OSTN: variants seen among roughly 807,000 people sequenced by gnomAD.
OSTN encodes osteocrin.
A neutral mutation model predicts 12.0 loss-of-function variants in OSTN; 9 were observed. That is an observed-to-expected ratio of 0.75 (90% CI 0.45 to 1.30). The LOEUF is 1.30. OSTN is among the 50% of genes most tolerant of loss of function. The probability of loss-of-function intolerance (pLI) is 0.00; values close to 1 mark genes in which losing one functional copy is unlikely to be tolerated. For synonymous variants in OSTN, 59 were observed against 56.9 expected (o/e 1.04, Z -0.16); for missense variants, 148 against 152.3 (o/e 0.97, Z 0.15).
At chr3:191,212,058 G>T (rs1714472346) in intron 1 of OSTN, among the ~76,000 whole-genome samples, 1 of 152,004 alleles carries the variant, frequency 6.6e-6, no homozygotes, top group African/African-American at 2.4e-5. Context: ...AGGACATAAA[G>T]AAATTCTCCT....
chr3:191,225,285 G>A (rs528615447), intron 3 of OSTN, among the ~76,000 whole-genome samples: 12 of 152,026 alleles, frequency 7.9e-5, no homozygotes, highest in Middle Eastern at 3.4e-3. Context: ...TCCAATTACC[G>A]TTTCTTTAAA....
intron 3 of OSTN, among the ~76,000 whole-genome samples, chr3:191,241,154 C>G (rs1268087410): frequency 7.4e-6 from 1 of 134,326 alleles, no homozygotes; most frequent in Admixed American, 8.2e-5. Context: ...GTTGGTGGAG[C>G]TCTGTGCCTT....
intron 1 of OSTN, among the ~76,000 whole-genome samples, chr3:191,210,717 C>CT (rs527442069): frequency 2.3e-3 from 349 of 152,106 alleles, no homozygotes; most frequent in Non-Finnish European, 6.2e-4. Context: ...TTCCAAATGA[C>CT]TTTTTTTTAA....
At chr3:191,230,194 T>C (rs1267111081) in intron 3 of OSTN, among the ~76,000 whole-genome samples, 3 of 152,132 alleles carry the variant, frequency 2.0e-5, no homozygotes, top group Non-Finnish European at 2.9e-5. Flanking sequence ...AAAATTAGTG[T>C]CCTTTCTGAC....
At position 191,222,946 on chromosome 3, in the gene OSTN, T is replaced by C. The variant is rs188776078; in HGVS notation, c.317+3985T>C. Among the ~76,000 whole-genome samples the C allele has an allele frequency of 6.0e-4, 91 of 152,252 alleles. No individual in the cohort carries two copies. The East Asian group carries it at 0.012, about 21-fold the overall frequency. ...ACGTGAAGAAGGATGTGTTTGCTTC[T>C]CCTTCTACCATGATTGTAAGTTTCC... On this transcript the variant is annotated intron_variant, in intron 3 of 4. Coordinates refer to ENST00000682035, the MANE Select transcript of OSTN (RefSeq NM_198184.2).
intron 1 of OSTN, 40 bp from the exon 2 acceptor site, chr3:191,212,493 C>T (rs1576923529): frequency 7.3e-7 from 1 of 1,378,336 alleles, no homozygotes; most frequent in Non-Finnish European, 1.0e-6. Flanking sequence ...CTTTACATTC[C>T]AAACGAATCA....
intron 1 of OSTN, 150 bp from the exon 2 acceptor site, chr3:191,212,383 T>A (rs763668432): frequency 1.3e-4 from 45 of 343,662 alleles, no homozygotes; most frequent in Non-Finnish European, 2.2e-4. Context: ...CTATTAAGTA[T>A]TATTTACGTT....
At chr3:191,253,941 A>G (rs191798581) in intron 4 of OSTN, among the ~76,000 whole-genome samples, 160 of 152,368 alleles carry the variant, frequency 1.1e-3, no homozygotes, top group Middle Eastern at 3.4e-3. Context: ...TAAAAGCCAA[A>G]CTAACAGCTT....
chr3:191,260,313 A>G (rs1576942210), intron 4 of OSTN, among the ~76,000 whole-genome samples: 1 of 130,386 alleles, frequency 7.7e-6, no homozygotes, highest in African/African-American at 2.8e-5. Context: ...AACTCAATCC[A>G]AAAGCCTCTT....
At chr3:191,220,315 C>T (rs1714730415) in intron 3 of OSTN, among the ~76,000 whole-genome samples, 1 of 152,102 alleles carries the variant, frequency 6.6e-6, no homozygotes, top group African/African-American at 2.4e-5. Flanking sequence ...ATAATCCTCT[C>T]CTATATTTTG....
rs1715898011 is a variant in OSTN at position 191,265,297 on chromosome 3, A to G, written c.*2444A>G. On this transcript the variant is annotated 3_prime_UTR_variant, in exon 5 of 5. Transcript: ENST00000682035. ...TTCTGTATGAACCTTTATAGAGCAAATGAATATATGTATATGGAGTTCTGG... is the reference window on the plus strand; with the variant it reads ...TTCTGTATGAACCTTTATAGAGCAAGTGAATATATGTATATGGAGTTCTGG... 1 of 152,202 alleles carries G rather than the reference A, an allele frequency of 6.6e-6. No individual in the cohort carries two copies. The highest frequency in any genetic ancestry group is 2.4e-5 in the African/African-American group (1 of 41,456). The allele number at this position is 152,202 out of a possible 1,614,324, so 9.4% of individuals were successfully genotyped here. A position where few individuals can be genotyped will look rare whatever the true frequency, so the allele number is the denominator to read the frequency against.
chr3:191,250,067 T>C lies in OSTN; in HGVS notation c.348T>C (p.Phe116=). 1 of 1,613,882 alleles carries C rather than the reference T, an allele frequency of 6.2e-7. No individual in the cohort carries two copies. The highest frequency in any genetic ancestry group is 8.5e-7 in the Non-Finnish European group (1 of 1,179,780). ...TAGTAGATCATCCAAAAAGGCGATTTGGTATCCCCATGGATCGGATTGGTA... is the reference window on the plus strand; with the variant it reads ...TAGTAGATCATCCAAAAAGGCGATTCGGTATCCCCATGGATCGGATTGGTA... The part of the protein sequence containing the change: ...RKVVDHPKRR[F]GIPMDRIGRN... The change falls in exon 4 of 5, where the codon TTT becomes TTC. Residue 116 remains phenylalanine (F), a synonymous_variant. Transcript: ENST00000682035.
At chr3:191,240,272 A>C (rs73055330) in intron 3 of OSTN, among the ~76,000 whole-genome samples, 13,424 of 152,186 alleles carry the variant, frequency 0.088, 1,555 homozygotes, top group African/African-American at 0.27. Context: ...CTGTTCTCAC[A>C]TGTCAGTCCT....
At chr3:191,261,062 T>C (rs1335538807) in intron 4 of OSTN, among the ~76,000 whole-genome samples, 1 of 152,090 alleles carries the variant, frequency 6.6e-6, no homozygotes, top group East Asian at 1.9e-4. Context: ...TGGTAAGAAA[T>C]TCTTACTCTT....
At chr3:191,208,592 A>G (rs2108589204) in intron 1 of OSTN, among the ~76,000 whole-genome samples, 1 of 152,310 alleles carries the variant, frequency 6.6e-6, no homozygotes, top group Non-Finnish European at 1.5e-5. Context: ...ATTTTTTCCT[A>G]TATACACCCA....
At chr3:191,213,286 G>A (rs1031833628) in intron 2 of OSTN, 4 of 152,056 alleles carry the variant, frequency 2.6e-5, no homozygotes, top group Admixed American at 6.6e-5. Flanking sequence ...CAAGAAAATC[G>A]GTAGTTTTTT....
intron 4 of OSTN, among the ~76,000 whole-genome samples, chr3:191,260,358 CA>C (rs1408997386): frequency 6.6e-6 from 1 of 151,892 alleles, no homozygotes; most frequent in African/African-American, 2.4e-5. Context: ...AGGGCATAGA[CA>C]AAAACAATGC....
rs528694572 is a variant in OSTN at position 191,258,322 on chromosome 3, G to C, written c.*13-4544G>C. On this transcript the variant is annotated intron_variant, in intron 4 of 4. Coordinates refer to ENST00000682035, the MANE Select transcript of OSTN (RefSeq NM_198184.2). ...CAGGACAGAACTCATTAAGGAACAAGGCTAACAAAGTATTTTTAGTTTATA... is the reference window on the plus strand; with the variant it reads ...CAGGACAGAACTCATTAAGGAACAACGCTAACAAAGTATTTTTAGTTTATA... Among the ~76,000 whole-genome samples, 23 of 152,212 alleles carry C rather than the reference G, an allele frequency of 1.5e-4. No individual in the cohort carries two copies. In the South Asian group the frequency reaches 1.9e-3, roughly 12 times the overall value.
chr3:191,219,313 A>G (rs2108533361), intron 3 of OSTN, among the ~76,000 whole-genome samples: 1 of 152,328 alleles, frequency 6.6e-6, no homozygotes, highest in Non-Finnish European at 1.5e-5. Flanking sequence ...CATTTACTAG[A>G]GGTAACAGGA....
Sources: allele counts gnomAD v4.1 joint callset (sites outside exome capture counted in the v4.1 genomes callset), GRCh38; gene constraint gnomAD v4.1.1; transcripts MANE v1.5; gene names NCBI Gene and HGNC (gene_info 2026-07-23, HGNC 2026-07-21).